TMEM179: variants seen among roughly 807,000 people sequenced by gnomAD.
TMEM179 encodes the protein transmembrane protein 179A.
Under a neutral mutation model 22.2 loss-of-function variants are expected in TMEM179, and 17 were observed. The ratio of observed to expected loss-of-function variants is 0.77; its 90% confidence interval spans 0.52 to 1.15. The LOEUF (loss-of-function observed/expected upper bound fraction) is 1.15, where lower values mean the gene tolerates loss of function less well. TMEM179 is among the 50% of genes most tolerant of loss of function. The pLI is 0.00. For missense variants in TMEM179, 265 were observed against 313.6 expected, an observed-to-expected ratio of 0.84 and a Z score of 1.17; for synonymous variants, 127 against 140.5, an observed-to-expected ratio of 0.90 and a Z score of 0.68.
rs894236140 is a variant in TMEM179 at position 104,595,694 on chromosome 14, G to A, written c.444-451C>T. ...TCTCAGAGGCAGGAGATGCAGGGCT[G>A]CCTCAGCCAGACAGAGATGGAGGTG... On this transcript the variant is annotated intron_variant, in intron 2 of 3. Transcript: ENST00000556573. The surrounding 1 kb of genome is among the most constrained non-coding windows in gnomAD (Gnocchi z 5.7). Among the ~76,000 whole-genome samples, 26 of 152,356 alleles carry A rather than the reference G, an allele frequency of 1.7e-4. No homozygotes were observed. The highest frequency in any genetic ancestry group is 1.5e-3 in the Admixed American group (23 of 15,304).
Position 104,595,136 on chromosome 14 carries a change from A to T in TMEM179, c.522+29T>A. On this transcript the variant is annotated intron_variant, in intron 3 of 3. Coordinates refer to ENST00000556573, the MANE Select transcript of TMEM179 (RefSeq NM_001286389.2). This position sits in a 1 kb window ranked among gnomAD's most constrained non-coding sequence, Gnocchi z 5.7. ...TAAATGGCCCCCTCCCAGCATTGCAAGCCTCCCTTCTTGCCCAGAGCCCCC... is the reference window on the plus strand; with the variant it reads ...TAAATGGCCCCCTCCCAGCATTGCATGCCTCCCTTCTTGCCCAGAGCCCCC... 6.2e-7 allele frequency: 1 copy of T among 1,613,488 alleles called. No homozygotes were observed. The highest frequency in any genetic ancestry group is 1.3e-5 in the African/African-American group (1 of 75,026).
chr14:104,602,658 G>A (rs191862460), intron 1 of TMEM179, among the ~76,000 whole-genome samples: 1 of 152,328 alleles, frequency 6.6e-6, no homozygotes, highest in African/African-American at 2.4e-5. Context: ...ACCAGCCCTG[G>A]AGTGGGCTGA....
rs866745026 is a variant in TMEM179, at chr14:104,599,617, C to T, written c.306-2490G>A. Among the ~76,000 whole-genome samples, 5 of 152,276 alleles carry T rather than the reference C, an allele frequency of 3.3e-5. No individual in the cohort carries two copies. The South Asian group carries it at 6.2e-4, about 19-fold the overall frequency. On this transcript the variant is annotated intron_variant, in intron 1 of 3. Transcript: ENST00000556573. ...GGGCTAGGGGCCTATAGTCACAGAG[C>T]GGAACGCAGTAAGCCCGCCCCACCT...
intron 3 of TMEM179, chr14:104,594,534 T>C (rs45500405): frequency 0.13 from 156,481 of 1,230,810 alleles, 10,491 homozygotes; most frequent in African/African-American, 0.18. Context: ...AATTCCAGGG[T>C]TCCCCCTCCG....
intron 1 of TMEM179, among the ~76,000 whole-genome samples, chr14:104,601,275 G>C (rs555399737): frequency 6.6e-6 from 1 of 152,322 alleles, no homozygotes; most frequent in South Asian, 2.1e-4. Flanking sequence ...GTCTGCACAG[G>C]TATCGGGGCC....
In TMEM179 at chr14:104,597,850, T is replaced by C. The variant is rs1045442106; in HGVS notation, c.306-723A>G. Among the ~76,000 whole-genome samples the C allele has an allele frequency of 5.9e-5, 9 of 152,164 alleles. No homozygotes were observed. The highest frequency in any genetic ancestry group is 1.3e-4 in the Non-Finnish European group (9 of 68,028). On this transcript the variant is annotated intron_variant, in intron 1 of 3. Coordinates refer to ENST00000556573, the MANE Select transcript of TMEM179 (RefSeq NM_001286389.2). The surrounding 1 kb of genome is among the most constrained non-coding windows in gnomAD (Gnocchi z 4.8). ...TGGACCCCTGGTAGGACTTGCTTGA[T>C]GGGCCAGCTCTGATTTATCCATTTA...
chr14:104,597,238 C>T lies in TMEM179; in HGVS notation c.306-111G>A, dbSNP rs1887061485. 4.3e-6 allele frequency: 6 copies of T among 1,409,942 alleles called. No homozygotes were observed. Among genetic ancestry groups the T allele is most frequent in the Non-Finnish European group, 5.7e-6 (6 of 1,059,272 alleles). 87.3% of individuals were successfully genotyped at this position (1,409,942 alleles called of 1,614,324 possible). A position where few individuals can be genotyped will look rare whatever the true frequency, so the allele number is the denominator to read the frequency against. On this transcript the variant is annotated intron_variant, in intron 1 of 3. Transcript: ENST00000556573. The surrounding 1 kb of genome is among the most constrained non-coding windows in gnomAD (Gnocchi z 4.8). ...GGGCAGGCTCACTGGACGCCATCTC[C>T]TGGGCAACCCCCACCAGCAGCACCC...
intron 3 of TMEM179, chr14:104,594,608 T>C: frequency 8.1e-7 from 1 of 1,228,626 alleles, no homozygotes; most frequent in Non-Finnish European, 1.0e-6. Flanking sequence ...TCCCTCAGAG[T>C]GGGGGCCACC....
At chr14:104,602,766 C>T (rs570804547) in intron 1 of TMEM179, among the ~76,000 whole-genome samples, 1 of 152,296 alleles carries the variant, frequency 6.6e-6, no homozygotes, top group Non-Finnish European at 1.5e-5. Flanking sequence ...GGCCCATGGC[C>T]CCACAGTACC....
At chr14:104,593,996 A>G in intron 3 of TMEM179, 1 of 1,186,048 alleles carries the variant, frequency 8.4e-7, no homozygotes, top group Non-Finnish European at 1.1e-6. Context: ...CTCCTCCAGC[A>G]GCTCCGGCCT....
In TMEM179 at chr14:104,595,271, G is replaced by A. The variant is rs1287986430; in HGVS notation, c.444-28C>T. 1.3e-6 allele frequency: 2 copies of A among 1,598,748 alleles called. No individual in the cohort carries two copies. Among genetic ancestry groups the A allele is most frequent in the Admixed American group, 3.4e-5 (2 of 59,452 alleles). ...AAAACAGCAGGACATAGGGTGGAGG[G>A]TGACCACCAGGACAGCCAGTGCGGG... On this transcript the variant is annotated intron_variant, in intron 2 of 3. Coordinates refer to ENST00000556573, the MANE Select transcript of TMEM179 (RefSeq NM_001286389.2). The surrounding 1 kb of genome is among the most constrained non-coding windows in gnomAD (Gnocchi z 5.7).
At position 104,592,842 on chromosome 14, in the gene TMEM179, C is replaced by T. The variant is rs1886890409; in HGVS notation, c.*637G>A. Among the ~76,000 whole-genome samples, 1 of 152,170 alleles carries T rather than the reference C, an allele frequency of 6.6e-6. No individual in the cohort carries two copies. Among genetic ancestry groups the T allele is most frequent in the Non-Finnish European group, 1.5e-5 (1 of 68,034 alleles). On this transcript the variant is annotated 3_prime_UTR_variant, in exon 4 of 4. Transcript: ENST00000556573. ...TCTGTGGAGCCCAGATTACCACTTC[C>T]CTGACCCTCAGCCAAGCACAGACAG... is the stretch of plus-strand genomic sequence containing the variant.
intron 1 of TMEM179, among the ~76,000 whole-genome samples, chr14:104,598,046 G>C (rs1225747308): frequency 6.6e-6 from 1 of 152,204 alleles, no homozygotes; most frequent in Non-Finnish European, 1.5e-5. Flanking sequence ...GGATGCTCGT[G>C]TTTCCTCTTC....
In TMEM179 at chr14:104,597,912, C is replaced by T. The variant is rs1477651505; in HGVS notation, c.306-785G>A. On this transcript the variant is annotated intron_variant, in intron 1 of 3. Transcript: ENST00000556573. The surrounding 1 kb of genome is among the most constrained non-coding windows in gnomAD (Gnocchi z 4.8). ...CCAGGCTGTGATTGGGCCCATCTGACCAGGGCCAGAGCATGGGGAGCGCAG... is the reference window on the plus strand; with the variant it reads ...CCAGGCTGTGATTGGGCCCATCTGATCAGGGCCAGAGCATGGGGAGCGCAG... 6.6e-6 allele frequency among the ~76,000 whole-genome samples: 1 copy of T among 152,188 alleles called. No individual in the cohort carries two copies. The highest frequency in any genetic ancestry group is 1.5e-5 in the Non-Finnish European group (1 of 68,034).
rs1887343169 is a variant in TMEM179 at position 104,604,299 on chromosome 14, G to T, written c.305+138C>A. 4 of 948,748 alleles carry T rather than the reference G, an allele frequency of 4.2e-6. No individual in the cohort carries two copies. The highest frequency in any genetic ancestry group is 5.9e-6 in the Non-Finnish European group (4 of 673,452). 58.8% of individuals were successfully genotyped at this position (948,748 alleles called of 1,614,324 possible). On this transcript the variant is annotated intron_variant, in intron 1 of 3. Coordinates refer to ENST00000556573, the MANE Select transcript of TMEM179 (RefSeq NM_001286389.2). This position sits in a 1 kb window ranked among gnomAD's most constrained non-coding sequence, Gnocchi z 4.6. ...ACAAAGGGCGGTCTGAGTGGAGGGG[G>T]TGAGGGCGGATTGTTGACATTTGCG...
chr14:104,594,269 C>T (rs995870247), intron 3 of TMEM179: 6 of 1,231,700 alleles, frequency 4.9e-6, no homozygotes, highest in Non-Finnish European at 5.1e-6. Flanking sequence ...CAGTTCATCT[C>T]GGCAAAGAGC....
intron 3 of TMEM179, chr14:104,594,103 C>A (rs190828535): frequency 4.9e-6 from 6 of 1,233,314 alleles, no homozygotes; most frequent in Non-Finnish European, 6.1e-6. Context: ...GAAGGAGAAA[C>A]AATTTAATCA....
At chr14:104,603,901 C>A (rs1596302064) in intron 1 of TMEM179, among the ~76,000 whole-genome samples, 1 of 152,234 alleles carries the variant, frequency 6.6e-6, no homozygotes, top group African/African-American at 2.4e-5. Flanking sequence ...CCTCGCCCTG[C>A]AGTCTCTCTC....
intron 1 of TMEM179, among the ~76,000 whole-genome samples, chr14:104,601,220 T>C (rs1466266071): frequency 6.6e-6 from 1 of 152,232 alleles, no homozygotes; most frequent in Non-Finnish European, 1.5e-5. Flanking sequence ...CAGAACTTCC[T>C]GACATGGCAA....
Sources: allele counts gnomAD v4.1 joint callset (sites outside exome capture counted in the v4.1 genomes callset), GRCh38; gene constraint gnomAD v4.1.1; non-coding constraint Gnocchi (gnomAD v3.1); transcripts MANE v1.5; gene names NCBI Gene and HGNC (gene_info 2026-07-23, HGNC 2026-07-21).